The following NCAPD3 variants were observed in gnomAD, a reference collection of about 807,000 sequenced individuals.
NCAPD3 encodes the protein non-SMC condensin II complex subunit D3, also known as condensin-2 complex subunit D3.
NCAPD3 carries 105 observed loss-of-function variants against 182.9 expected under a neutral mutation model. The observed-to-expected ratio is 0.57, with a 90% CI of 0.49 to 0.68. The LOEUF is 0.68. NCAPD3 is among the 30% of genes least tolerant of loss of function. The probability of loss-of-function intolerance (pLI) is 0.00; values close to 1 mark genes in which losing one functional copy is unlikely to be tolerated. For missense variants in NCAPD3, 1,944 were observed against 1,837.0 expected (o/e 1.06, Z -1.07); for synonymous variants, 815 against 679.9 (o/e 1.20, Z -3.09).
chr11:134,217,307 A>T lies in NCAPD3; in HGVS notation c.220-209T>A, dbSNP rs553610323. Reference sequence around the variant, plus strand: ...TTCAAAATTACCAAGATAAATATGTATATAACATATTTAAATAATTAAACT... The same window carrying T: ...TTCAAAATTACCAAGATAAATATGTTTATAACATATTTAAATAATTAAACT... On this transcript the variant is annotated intron_variant, in intron 2 of 34. Coordinates refer to ENST00000534548, the MANE Select transcript of NCAPD3 (RefSeq NM_015261.3). 1.6e-4 allele frequency among the ~76,000 whole-genome samples: 24 copies of T among 152,340 alleles called. No individual in the cohort carries two copies. The East Asian group carries it at 4.2e-3, about 27-fold the overall frequency.
At chr11:134,212,254 A>G (rs1937859623) in intron 3 of NCAPD3, among the ~76,000 whole-genome samples, 1 of 152,258 alleles carries the variant, frequency 6.6e-6, no homozygotes, top group South Asian at 2.1e-4. Flanking sequence ...AAAGCTGTTT[A>G]TCTTGTTTCT....
chr11:134,217,190 A>G, intron 2 of NCAPD3, 92 bp from the exon 3 acceptor site: 19 of 1,232,756 alleles, frequency 1.5e-5, no homozygotes, highest in Non-Finnish European at 2.1e-5. Flanking sequence ...GGTGCCTTAC[A>G]AAAAGAGGAA....
chr11:134,200,130 A>G (rs1029011691), intron 13 of NCAPD3, among the ~76,000 whole-genome samples: 4 of 152,222 alleles, frequency 2.6e-5, no homozygotes, highest in Non-Finnish European at 5.9e-5. Flanking sequence ...TGTGAGAGCT[A>G]AAACTATAAA....
chr11:134,204,492 T>C lies in NCAPD3; in HGVS notation c.1090-321A>G, dbSNP rs1052052453. On this transcript the variant is annotated intron_variant, in intron 9 of 34. Transcript: ENST00000534548. The surrounding 1 kb of genome is among the most constrained non-coding windows in gnomAD (Gnocchi z 4.3). ...AAAATGTAGAGATCATCATGGAAAT[T>C]TGAACACTGGATGTTTGATAATATT... Among the ~76,000 whole-genome samples the C allele has an allele frequency of 1.1e-4, 17 of 152,316 alleles. No homozygotes were observed. Among genetic ancestry groups the C allele is most frequent in the Middle Eastern group, 3.4e-3 (1 of 294 alleles).
chr11:134,210,034 C>T (rs1027624632), intron 4 of NCAPD3, among the ~76,000 whole-genome samples: 3 of 151,356 alleles, frequency 2.0e-5, no homozygotes, highest in African/African-American at 4.9e-5. Context: ...CCAACCTGGG[C>T]GACACAGCAA....
chr11:134,212,508 C>T (rs901991762), intron 3 of NCAPD3, among the ~76,000 whole-genome samples: 2 of 151,844 alleles, frequency 1.3e-5, no homozygotes, highest in African/African-American at 4.8e-5. Flanking sequence ...GGTTCTCCTG[C>T]CTCAGCCTCC....
intron 2 of NCAPD3, among the ~76,000 whole-genome samples, chr11:134,220,174 C>T (rs1342351150): frequency 6.6e-6 from 1 of 151,138 alleles, no homozygotes; most frequent in African/African-American, 2.4e-5. Flanking sequence ...TTGTTTTTGC[C>T]TTTATATTTT....
chr11:134,177,308 T>C lies in NCAPD3; in HGVS notation c.2932A>G (p.Lys978Glu). The change falls in exon 23 of 35, where the codon AAG becomes GAG. Residue 978 changes from lysine to glutamate, a missense_variant. Physicochemically the swap from Lys to Glu is moderately conservative, Grantham distance 56. Coordinates refer to ENST00000534548, the MANE Select transcript of NCAPD3 (RefSeq NM_015261.3). Reference protein sequence around the residue: ...LCIRYTIMVDKYIPNISMCLK... With the variant: ...LCIRYTIMVDEYIPNISMCLK... ...CACATGGAGATGTTGGGAATATACTTGTCCACCATGATGGTGTAGCGAATG... is the reference window on the plus strand; with the variant it reads ...CACATGGAGATGTTGGGAATATACTCGTCCACCATGATGGTGTAGCGAATG... 1 of 1,614,228 alleles carries C rather than the reference T, an allele frequency of 6.2e-7. No individual in the cohort carries two copies. The highest frequency in any genetic ancestry group is 8.5e-7 in the Non-Finnish European group (1 of 1,180,036).
chr11:134,168,802 T>C, intron 25 of NCAPD3, 115 bp downstream of exon 25: 1 of 1,433,940 alleles, frequency 7.0e-7, no homozygotes, highest in Non-Finnish European at 9.5e-7. Context: ...CAAGCCACAG[T>C]AAAGACCTGG....
At chr11:134,165,734 G>A (rs1943762228) in intron 27 of NCAPD3, among the ~76,000 whole-genome samples, 1 of 148,432 alleles carries the variant, frequency 6.7e-6, no homozygotes, top group South Asian at 2.2e-4. Context: ...GCTTAGGGGA[G>A]CTGCACACTC....
chr11:134,206,583 G>A lies in NCAPD3; in HGVS notation c.1016+16C>T, dbSNP rs370862844. The A allele has an allele frequency of 1.7e-5, 27 of 1,612,990 alleles. No homozygotes were observed. Among genetic ancestry groups the A allele is most frequent in the Admixed American group, 8.4e-5 (5 of 59,816 alleles). On this transcript the variant is annotated intron_variant, in intron 8 of 34. Coordinates refer to ENST00000534548, the MANE Select transcript of NCAPD3 (RefSeq NM_015261.3). ...GGAGACTGACAGGGTGAAAATTCAC[G>A]ATTTGTGTGCTTCACCTGATAAACT...
rs556550043 is a variant in NCAPD3, at chr11:134,156,615, G to A, written c.4252+403C>T. On this transcript the variant is annotated intron_variant, in intron 32 of 34. Transcript: ENST00000534548. ...TCTCTGGTCTTGGCAGTTGCAGAGC[G>A]TGCATGGTACCTGCTGGTGCTGACG... 2.6e-5 allele frequency among the ~76,000 whole-genome samples: 4 copies of A among 152,284 alleles called. No homozygotes were observed. The South Asian group carries it at 6.2e-4, about 24-fold the overall frequency.
chr11:134,202,219 C>T (rs747345554), intron 13 of NCAPD3, among the ~76,000 whole-genome samples: 30 of 152,194 alleles, frequency 2.0e-4, no homozygotes, highest in Non-Finnish European at 3.7e-4. Flanking sequence ...CTGTGTCTCT[C>T]TCTCTTTAAA....
intron 26 of NCAPD3, 130 bp from the exon 27 acceptor site, chr11:134,168,325 C>A (rs147538194): frequency 1.4e-6 from 2 of 1,476,442 alleles, no homozygotes; most frequent in Middle Eastern, 1.7e-4. Flanking sequence ...TTGTCTGGGG[C>A]ACAGCTGATG....
At chr11:134,184,042 C>T (rs1427323547) in intron 19 of NCAPD3, among the ~76,000 whole-genome samples, 1 of 152,120 alleles carries the variant, frequency 6.6e-6, no homozygotes, top group African/African-American at 2.4e-5. Flanking sequence ...AAAATTATTT[C>T]TTCAGTTACT....
chr11:134,209,192 T>A lies in NCAPD3; in HGVS notation c.747A>T (p.Leu249Phe), dbSNP rs1289486300. Residue 249 changes from leucine (L) to phenylalanine (F), a missense_variant, in exon 6 of 35, where the codon TTA (leucine) becomes TTT (phenylalanine). Leu to Phe is a conservative substitution (Grantham distance 22). Transcript: ENST00000534548. ...VQNCIEVFVS[L>F]TNFEPVLHEC... ...CATGAAGAACTGGCTCAAAATTAGT[T>A]AATGAAACAAAGACCTAGAAAACAG... is the stretch of plus-strand genomic sequence containing the variant. The A allele has an allele frequency of 6.2e-7, 1 of 1,613,168 alleles. No homozygotes were observed. The highest frequency in any genetic ancestry group is 8.5e-7 in the Non-Finnish European group (1 of 1,179,676).
intron 27 of NCAPD3, among the ~76,000 whole-genome samples, chr11:134,167,466 A>G (rs1211024215): frequency 8.3e-6 from 1 of 120,968 alleles, no homozygotes; most frequent in East Asian, 2.7e-4. Context: ...GGAGGCGCAC[A>G]CTCACTTGTG....
At chr11:134,160,761 G>A (rs1201171388) in intron 28 of NCAPD3, among the ~76,000 whole-genome samples, 1 of 152,098 alleles carries the variant, frequency 6.6e-6, no homozygotes, top group Non-Finnish European at 1.5e-5. Flanking sequence ...TCTCAACAAA[G>A]AGAAGGAATC....
intron 3 of NCAPD3, among the ~76,000 whole-genome samples, chr11:134,210,886 T>C (rs973218074): frequency 6.6e-6 from 1 of 152,166 alleles, no homozygotes; most frequent in Non-Finnish European, 1.5e-5. Flanking sequence ...ATAATGGTCT[T>C]ACTATGTTGA....
Sources: allele counts gnomAD v4.1 joint callset (sites outside exome capture counted in the v4.1 genomes callset), GRCh38; gene constraint gnomAD v4.1.1; non-coding constraint Gnocchi (gnomAD v3.1); transcripts MANE v1.5; gene names NCBI Gene and HGNC (gene_info 2026-07-23, HGNC 2026-07-21).